PTTG1IP: variants seen among roughly 807,000 people sequenced by gnomAD.
PTTG1IP encodes PTTG1 interacting protein.
Under a neutral mutation model 24.4 loss-of-function variants are expected in PTTG1IP, and 16 were observed. The ratio of observed to expected loss-of-function variants is 0.66; its 90% CI spans 0.44 to 1.00. The LOEUF (loss-of-function observed/expected upper bound fraction) is 1.00. Among genes scored for constraint, PTTG1IP ranks in the 50% least tolerant of loss-of-function variants. The pLI is 0.00. For synonymous variants in PTTG1IP, 89 were observed against 96.8 expected (o/e 0.92, Z 0.47); for missense variants, 241 against 245.8 (o/e 0.98, Z 0.13).
At position 44,871,216 on chromosome 21, in the gene PTTG1IP, G is replaced by T. The variant is rs972816430; in HGVS notation, c.115+2286C>A. On this transcript the variant is annotated intron_variant, in intron 1 of 5. Transcript: ENST00000330938. ...AACCCTATGTACACTGTAGCACTCTGTACAGTTAGAAAGCCACGTTTCTCA... is the reference window on the plus strand; with the variant it reads ...AACCCTATGTACACTGTAGCACTCTTTACAGTTAGAAAGCCACGTTTCTCA... 2.6e-5 allele frequency among the ~76,000 whole-genome samples: 4 copies of T among 151,884 alleles called. No homozygotes were observed. The East Asian group carries it at 5.8e-4, about 22-fold the overall frequency.
rs570519091 is a variant in PTTG1IP, at chr21:44,868,333, T to G, written c.116-2886A>C. ...CCATGATGAACTCTTGGTTTTAAAA[T>G]TCAACTCCTAGCTCTGTCTGCTGAA... is the stretch of plus-strand genomic sequence containing the variant. On this transcript the variant is annotated intron_variant, in intron 1 of 5. Transcript: ENST00000330938. 8.3e-4 allele frequency among the ~76,000 whole-genome samples: 126 copies of G among 152,250 alleles called. No individual in the cohort carries two copies. The Middle Eastern group carries it at 0.02, about 25-fold the overall frequency.
rs779552781 is a variant in PTTG1IP at position 44,856,205 on chromosome 21, C to T, written c.437G>A (p.Arg146Gln). 3.7e-6 allele frequency: 6 copies of T among 1,614,034 alleles called. No homozygotes were observed. Among genetic ancestry groups the T allele is most frequent in the South Asian group, 2.2e-5 (2 of 91,076 alleles). Residue 146 changes from arginine (R) to glutamine (Q), a missense_variant, in exon 4 of 6, where the codon CGG becomes CAG. Coordinates refer to ENST00000330938, the MANE Select transcript of PTTG1IP (RefSeq NM_004339.4). ...ACCACCACCTCACCGTTCCTCCTGC[C>T]GTATCCGCCTCTCCTCCCGCTCACG... The part of the protein sequence containing the change: ...AMREREERRI[R>Q]QEERRAEMKT...
At chr21:44,865,518 A>G in intron 1 of PTTG1IP, 71 bp from the exon 2 acceptor site, 1 of 1,521,814 alleles carries the variant, frequency 6.6e-7, no homozygotes, top group Middle Eastern at 1.7e-4. Context: ...CCAGCAGGGC[A>G]GGGTGGGCAC....
chr21:44,856,206 G>A lies in PTTG1IP; in HGVS notation c.436C>T (p.Arg146Trp), dbSNP rs748818985. 5.3e-5 allele frequency: 85 copies of A among 1,613,882 alleles called. No individual in the cohort carries two copies. The highest frequency in any genetic ancestry group is 6.3e-5 in the Non-Finnish European group (74 of 1,179,966). Reference protein sequence around the residue: ...AMREREERRIRQEERRAEMKT... With the variant: ...AMREREERRIWQEERRAEMKT... ...CCACCACCTCACCGTTCCTCCTGCC[G>A]TATCCGCCTCTCCTCCCGCTCACGC... Residue 146 changes from arginine (R) to tryptophan (W), a missense_variant, in exon 4 of 6, where the codon CGG (arginine) becomes TGG (tryptophan). Physicochemically the swap from Arg to Trp is moderately radical, Grantham distance 101. Coordinates refer to ENST00000330938, the MANE Select transcript of PTTG1IP (RefSeq NM_004339.4).
chr21:44,853,157 T>TGTGTGCGTGTGTGCGC (rs980161727), intron 5 of PTTG1IP, among the ~76,000 whole-genome samples: 2 of 152,142 alleles, frequency 1.3e-5, no homozygotes, highest in African/African-American at 4.8e-5. Flanking sequence ...TGCTGGGCAG[T>TGTGTGCGTGTGTGCGC]GTGTGCGTGT....
At chr21:44,871,107 G>A (rs1601260671) in intron 1 of PTTG1IP, among the ~76,000 whole-genome samples, 1 of 152,262 alleles carries the variant, frequency 6.6e-6, no homozygotes, top group Non-Finnish European at 1.5e-5. Flanking sequence ...AAAGAGGGCA[G>A]ATATGGAGAC....
chr21:44,865,886 C>T, intron 1 of PTTG1IP: 1 of 255,726 alleles, frequency 3.9e-6, no homozygotes, highest in Non-Finnish European at 7.7e-6. Flanking sequence ...AGCGACACTG[C>T]CACGCAGCAC....
chr21:44,851,424 G>C lies in PTTG1IP; in HGVS notation c.*157C>G. Reference sequence around the variant, plus strand: ...CACCAGTCTGCAAGACGAGAGGACTGTCCTTCAGGGGCAGCTCTCCGGCCG... The same window carrying C: ...CACCAGTCTGCAAGACGAGAGGACTCTCCTTCAGGGGCAGCTCTCCGGCCG... On this transcript the variant is annotated 3_prime_UTR_variant, in exon 6 of 6. Transcript: ENST00000330938. 3 of 1,591,914 alleles carry C rather than the reference G, an allele frequency of 1.9e-6. No homozygotes were observed. The African/African-American group carries it at 4.0e-5, about 21-fold the overall frequency.
rs2083408288 is a variant in PTTG1IP, at chr21:44,851,276, A to G, written c.*305T>C. 7.2e-7 allele frequency: 1 copy of G among 1,384,952 alleles called. No individual in the cohort carries two copies. The highest frequency in any genetic ancestry group is 1.5e-5 in the African/African-American group (1 of 68,812). The allele number at this position is 1,384,952 out of a possible 1,614,324, so 85.8% of individuals were successfully genotyped here. ...GACAGCCACAGCGCTGGGTGCCGTCAGGCGGCTTCGTGTGCAGTTAGCGTT... is the reference window on the plus strand; with the variant it reads ...GACAGCCACAGCGCTGGGTGCCGTCGGGCGGCTTCGTGTGCAGTTAGCGTT... On this transcript the variant is annotated 3_prime_UTR_variant, in exon 6 of 6. Transcript: ENST00000330938.
At chr21:44,864,362 A>G (rs963240251) in intron 2 of PTTG1IP, among the ~76,000 whole-genome samples, 5 of 152,242 alleles carry the variant, frequency 3.3e-5, no homozygotes, top group Admixed American at 3.3e-4. Flanking sequence ...CACCACGCAG[A>G]GAAAACCAAA....
At position 44,865,338 on chromosome 21, in the gene PTTG1IP, C is replaced by T. The variant is rs1464141248; in HGVS notation, c.168+57G>A. 2.5e-5 allele frequency: 39 copies of T among 1,549,996 alleles called. 1 individual carries two copies. Among genetic ancestry groups the T allele is most frequent in the South Asian group, 3.4e-5 (3 of 89,530 alleles). Reference sequence around the variant, plus strand: ...CGAATCCCTGGACCTAGAGAAAGCCCGTGTGCCTTTGGACGGTCTGGACGG... The same window carrying T: ...CGAATCCCTGGACCTAGAGAAAGCCTGTGTGCCTTTGGACGGTCTGGACGG... On this transcript the variant is annotated intron_variant, in intron 2 of 5. Coordinates refer to ENST00000330938, the MANE Select transcript of PTTG1IP (RefSeq NM_004339.4).
chr21:44,863,866 G>C (rs568837239), intron 2 of PTTG1IP, among the ~76,000 whole-genome samples: 1 of 152,146 alleles, frequency 6.6e-6, no homozygotes, highest in Non-Finnish European at 1.5e-5. Flanking sequence ...GGTGTGTCTC[G>C]AACCTACGCT....
intron 1 of PTTG1IP, among the ~76,000 whole-genome samples, chr21:44,871,955 G>A (rs1193528452): frequency 6.6e-6 from 1 of 152,122 alleles, no homozygotes; most frequent in Non-Finnish European, 1.5e-5. Flanking sequence ...GGCAGTTCCG[G>A]ATTAATTCCC....
rs776113409 is a variant in PTTG1IP, at chr21:44,855,207, T to C, written c.496+3A>G. The C allele has an allele frequency of 2.5e-6, 4 of 1,608,476 alleles. No homozygotes were observed. The African/African-American group carries it at 4.0e-5, about 16-fold the overall frequency. ...ACAAAAAGGAGGCGTGACCAGTCCT[T>C]ACCATATTTTTTTCTGATTTCATCA... On this transcript the variant is annotated splice_donor_region_variant and intron_variant, in intron 5 of 5. Coordinates refer to ENST00000330938, the MANE Select transcript of PTTG1IP (RefSeq NM_004339.4).
chr21:44,864,084 G>A (rs1162157177), intron 2 of PTTG1IP, among the ~76,000 whole-genome samples: 1 of 152,264 alleles, frequency 6.6e-6, no homozygotes, highest in East Asian at 1.9e-4. Context: ...CTCATTGCCG[G>A]GGAAAGGAAG....
At chr21:44,866,264 ACACACG>A in intron 1 of PTTG1IP, among the ~76,000 whole-genome samples, 1 of 146,862 alleles carries the variant, frequency 6.8e-6, no homozygotes, top group South Asian at 2.2e-4. Flanking sequence ...ACACACACAC[ACACACG>A]CAGACTGCCT....
intron 4 of PTTG1IP, among the ~76,000 whole-genome samples, 187 bp from the exon 5 acceptor site, chr21:44,855,443 A>C (rs1489765427): frequency 6.6e-6 from 1 of 152,188 alleles, no homozygotes; most frequent in African/African-American, 2.4e-5. Flanking sequence ...AGGACAGGCA[A>C]GGTGACAACG....
intron 5 of PTTG1IP, among the ~76,000 whole-genome samples, chr21:44,854,634 A>G (rs2146453879): frequency 6.6e-6 from 1 of 152,350 alleles, no homozygotes; most frequent in East Asian, 1.9e-4. Flanking sequence ...CGTAATGTGT[A>G]TTTCCAATTC....
chr21:44,861,370 T>C, intron 2 of PTTG1IP, 99 bp from the exon 3 acceptor site: 1 of 994,190 alleles, frequency 1.0e-6, no homozygotes, highest in South Asian at 1.5e-5. Flanking sequence ...CATCGCTCTG[T>C]GGATGGCTGT....
Sources: allele counts gnomAD v4.1 joint callset (sites outside exome capture counted in the v4.1 genomes callset), GRCh38; gene constraint gnomAD v4.1.1; transcripts MANE v1.5; gene names NCBI Gene and HGNC (gene_info 2026-07-23, HGNC 2026-07-21).